The following NSMCE2 variants were observed in gnomAD, a reference collection of about 807,000 sequenced individuals.
NSMCE2 encodes the protein NSE2 SUMO ligase component of SMC5/6 complex, also known as E3 SUMO-protein ligase NSE2.
In NSMCE2, 24 loss-of-function variants were observed where a neutral mutation model predicts 23.8. The observed-to-expected ratio is 1.01, with a 90% CI of 0.73 to 1.42. The LOEUF is 1.42. NSMCE2 is among the 40% of genes most tolerant of loss of function. The pLI, the probability that NSMCE2 is intolerant of heterozygous loss-of-function variation, is 0.00. For missense variants in NSMCE2, 284 were observed against 296.5 expected (o/e 0.96, Z 0.31); for synonymous variants, 92 against 94.1 (o/e 0.98, Z 0.13).
At chr8:125,214,824 A>G (rs887612760) in intron 5 of NSMCE2, among the ~76,000 whole-genome samples, 5 of 152,124 alleles carry the variant, frequency 3.3e-5, no homozygotes, top group Non-Finnish European at 4.4e-5. Flanking sequence ...TCGTGTATTA[A>G]CATTTATATT....
At chr8:125,152,630 A>G (rs1821095900) in intron 4 of NSMCE2, among the ~76,000 whole-genome samples, 1 of 152,202 alleles carries the variant, frequency 6.6e-6, no homozygotes, top group Non-Finnish European at 1.5e-5. Flanking sequence ...TAACTTTCAT[A>G]CTGTGCAAAT....
chr8:125,169,683 A>G (rs1822075576), intron 4 of NSMCE2, among the ~76,000 whole-genome samples: 1 of 152,022 alleles, frequency 6.6e-6, no homozygotes, highest in Non-Finnish European at 1.5e-5. Flanking sequence ...GTCTTCTCCT[A>G]TATTTCTTAT....
At position 125,357,831 on chromosome 8, in the gene NSMCE2, A is replaced by C. The variant is rs375892728; in HGVS notation, c.626+13A>C. On this transcript the variant is annotated intron_variant, in intron 7 of 7. Transcript: ENST00000287437. ...AGAAAAAGGCCTAGTGAGTGGACGC[A>C]GGGAAGGAAGTGGAGCCTTCCCTAG... 6.3e-7 allele frequency: 1 copy of C among 1,581,794 alleles called. No homozygotes were observed. Among genetic ancestry groups the C allele is most frequent in the African/African-American group, 1.3e-5 (1 of 74,320 alleles).
intron 3 of NSMCE2, among the ~76,000 whole-genome samples, chr8:125,130,831 T>G (rs1274602627): frequency 6.6e-6 from 1 of 152,210 alleles, no homozygotes; most frequent in Admixed American, 6.5e-5. Context: ...ATTTGTAATT[T>G]CCCTCACCAA....
In NSMCE2 at chr8:125,332,130, A is replaced by G. The variant is rs560043472; in HGVS notation, c.419-25089A>G. Among the ~76,000 whole-genome samples, 15 of 152,324 alleles carry G rather than the reference A, an allele frequency of 9.8e-5. No individual in the cohort carries two copies. The South Asian group carries it at 2.9e-3, about 29-fold the overall frequency. ...ACATCAAGAACAGGAGTTGTACTCTAAATTTTATTTATTATCCTCTTCCCA... is the reference window on the plus strand; with the variant it reads ...ACATCAAGAACAGGAGTTGTACTCTGAATTTTATTTATTATCCTCTTCCCA... On this transcript the variant is annotated intron_variant, in intron 5 of 7. Coordinates refer to ENST00000287437, the MANE Select transcript of NSMCE2 (RefSeq NM_173685.4).
intron 5 of NSMCE2, among the ~76,000 whole-genome samples, chr8:125,289,595 C>T (rs1447457944): frequency 2.0e-5 from 3 of 152,178 alleles, no homozygotes; most frequent in Admixed American, 6.5e-5. Context: ...GAGACCAAGT[C>T]GTGCTCCTTT....
intron 3 of NSMCE2, among the ~76,000 whole-genome samples, chr8:125,149,192 C>G (rs1044643010): frequency 6.6e-6 from 1 of 152,106 alleles, no homozygotes; most frequent in South Asian, 2.1e-4. Context: ...CCTCCCCTGA[C>G]CCCCTAACTT....
intron 3 of NSMCE2, among the ~76,000 whole-genome samples, chr8:125,125,935 G>C (rs1289988420): frequency 1.3e-5 from 2 of 152,068 alleles, no homozygotes; most frequent in African/African-American, 4.8e-5. Flanking sequence ...GGGGGCTAAG[G>C]GACCCAGATT....
intron 3 of NSMCE2, among the ~76,000 whole-genome samples, chr8:125,116,909 A>G (rs567381104): frequency 1.2e-3 from 149 of 122,276 alleles, no homozygotes; most frequent in African/African-American, 4.7e-3. Context: ...TTTTTTTGAG[A>G]TGGAGCCTCT....
At chr8:125,241,902 G>T (rs1190455229) in intron 5 of NSMCE2, among the ~76,000 whole-genome samples, 1 of 152,176 alleles carries the variant, frequency 6.6e-6, no homozygotes, top group East Asian at 1.9e-4. Flanking sequence ...AAGTCTAGTG[G>T]TGTTGACTTC....
rs573651061 is a variant in NSMCE2, at chr8:125,209,352, C to T, written c.418+27096C>T. ...GGGTACTTTCTACAAGTATATCTGGCTTTATTTAGGGACTAAACCGGTAGA... is the reference window on the plus strand; with the variant it reads ...GGGTACTTTCTACAAGTATATCTGGTTTTATTTAGGGACTAAACCGGTAGA... On this transcript the variant is annotated intron_variant, in intron 5 of 7. Transcript: ENST00000287437. 1.1e-4 allele frequency among the ~76,000 whole-genome samples: 16 copies of T among 152,250 alleles called. 1 individual carries two copies. The South Asian group carries it at 2.9e-3, about 28-fold the overall frequency.
At chr8:125,141,002 G>A (rs990932544) in intron 3 of NSMCE2, among the ~76,000 whole-genome samples, 1 of 152,148 alleles carries the variant, frequency 6.6e-6, no homozygotes, top group Non-Finnish European at 1.5e-5. Context: ...GTAGCCAAAG[G>A]GGGTCTGCGG....
chr8:125,238,578 T>C lies in NSMCE2; in HGVS notation c.418+56322T>C, dbSNP rs908759639. 7.2e-5 allele frequency among the ~76,000 whole-genome samples: 11 copies of C among 152,286 alleles called. No individual in the cohort carries two copies. The South Asian group carries it at 1.4e-3, about 20-fold the overall frequency. ...GGACTTCATTAAACAGCATTTTTTTTCCTTTCTTTCCTGTTCCTCCCCCTT... is the reference window on the plus strand; with the variant it reads ...GGACTTCATTAAACAGCATTTTTTTCCCTTTCTTTCCTGTTCCTCCCCCTT... On this transcript the variant is annotated intron_variant, in intron 5 of 7. Coordinates refer to ENST00000287437, the MANE Select transcript of NSMCE2 (RefSeq NM_173685.4).
intron 1 of NSMCE2, among the ~76,000 whole-genome samples, chr8:125,101,332 C>T (rs1419032654): frequency 6.6e-6 from 1 of 152,124 alleles, no homozygotes; most frequent in Non-Finnish European, 1.5e-5. Context: ...ACACAGTTCC[C>T]CACTTAGGAA....
At chr8:125,163,721 G>C (rs1285299491) in intron 4 of NSMCE2, among the ~76,000 whole-genome samples, 1 of 152,152 alleles carries the variant, frequency 6.6e-6, no homozygotes, top group Admixed American at 6.6e-5. Context: ...GAAACTTCCT[G>C]ATTCTACCAA....
At chr8:125,342,813 G>A (rs879454285) in intron 5 of NSMCE2, among the ~76,000 whole-genome samples, 46 of 152,116 alleles carry the variant, frequency 3.0e-4, no homozygotes, top group Non-Finnish European at 5.9e-4. Flanking sequence ...GCCCTGCCTC[G>A]ATTGGCTCTG....
chr8:125,199,016 G>A (rs1310535650), intron 5 of NSMCE2, among the ~76,000 whole-genome samples: 3 of 152,148 alleles, frequency 2.0e-5, no homozygotes, highest in African/African-American at 4.8e-5. Flanking sequence ...TTGTATTTCT[G>A]TGGGATTGGT....
At chr8:125,313,407 T>C (rs1283214382) in intron 5 of NSMCE2, among the ~76,000 whole-genome samples, 1 of 152,168 alleles carries the variant, frequency 6.6e-6, no homozygotes, top group Admixed American at 6.6e-5. Context: ...TACTGTGTTT[T>C]AGAATTATCC....
At chr8:125,118,179 C>A (rs1819110074) in intron 3 of NSMCE2, among the ~76,000 whole-genome samples, 2 of 152,022 alleles carry the variant, frequency 1.3e-5, no homozygotes. Context: ...AACCCCATCT[C>A]TACTAAAAAT....
Sources: allele counts gnomAD v4.1 joint callset (sites outside exome capture counted in the v4.1 genomes callset), GRCh38; gene constraint gnomAD v4.1.1; transcripts MANE v1.5; gene names NCBI Gene and HGNC (gene_info 2026-07-23, HGNC 2026-07-21).